The following FBXW7 variants were observed in gnomAD, a reference collection of about 807,000 sequenced individuals.
The protein encoded by FBXW7 is F-box and WD repeat domain containing 7, also known as F-box/WD repeat-containing protein 7.
Under a neutral mutation model 86.3 loss-of-function variants are expected in FBXW7, and 11 were observed. The observed-to-expected ratio is 0.13, with a 90% confidence interval of 0.08 to 0.21. The LOEUF (loss-of-function observed/expected upper bound fraction) is 0.21, where lower values mean the gene tolerates loss of function less well. FBXW7 is among the 10% of genes least tolerant of loss of function. The pLI is 1.00. For missense variants in FBXW7, 488 were observed against 847.4 expected (o/e 0.58, Z 5.27); for synonymous variants, 313 against 297.9 (o/e 1.05, Z -0.52).
At chr4:152,425,105 C>T (rs1739266050) in intron 2 of FBXW7, among the ~76,000 whole-genome samples, 1 of 152,208 alleles carries the variant, frequency 6.6e-6, no homozygotes, top group African/African-American at 2.4e-5. Context: ...TCTTGTCTAC[C>T]TGATTTGTTT....
Position 152,330,495 on chromosome 4 carries a change from C to T in FBXW7, c.1122+237G>A, listed in dbSNP as rs116221489. ...TAGGATATTGAGAGATTTTCATTTA[C>T]GTAAGATAAAAAGATACTCAATTTA... On this transcript the variant is annotated intron_variant, in intron 9 of 13. Coordinates refer to ENST00000281708, the MANE Select transcript of FBXW7 (RefSeq NM_001349798.2). Among the ~76,000 whole-genome samples, 890 of 151,896 alleles carry T rather than the reference C, an allele frequency of 5.9e-3. 7 individuals are homozygous for T. The highest frequency in any genetic ancestry group is 0.02 in the African/African-American group (838 of 41,482).
intron 4 of FBXW7, among the ~76,000 whole-genome samples, chr4:152,367,173 G>A (rs2126721154): frequency 6.6e-6 from 1 of 152,166 alleles, no homozygotes; most frequent in South Asian, 2.1e-4. Flanking sequence ...AATATCTAAT[G>A]TAAATGACAA....
At chr4:152,351,392 T>C (rs1354153399) in intron 4 of FBXW7, among the ~76,000 whole-genome samples, 1 of 152,146 alleles carries the variant, frequency 6.6e-6, no homozygotes, top group African/African-American at 2.4e-5. Flanking sequence ...CCTTAGTTCA[T>C]GCCATACCTA....
chr4:152,492,908 A>G (rs1020046220), intron 2 of FBXW7, among the ~76,000 whole-genome samples: 1 of 152,030 alleles, frequency 6.6e-6, no homozygotes, highest in Admixed American at 6.5e-5. Context: ...GCATTATTAA[A>G]TAGGTCTGAA....
At chr4:152,420,768 T>C (rs537171774) in intron 2 of FBXW7, among the ~76,000 whole-genome samples, 16 of 152,242 alleles carry the variant, frequency 1.1e-4, no homozygotes, top group African/African-American at 3.4e-4. Context: ...AAGAGTGGGC[T>C]TAACATATCT....
chr4:152,333,517 T>A (rs555846604), intron 7 of FBXW7, among the ~76,000 whole-genome samples: 40 of 152,174 alleles, frequency 2.6e-4, no homozygotes, highest in African/African-American at 9.6e-4. Context: ...AGCCTCTGAC[T>A]GATTATTCAA....
intron 2 of FBXW7, among the ~76,000 whole-genome samples, chr4:152,477,479 T>C (rs909921555): frequency 3.3e-5 from 5 of 152,086 alleles, no homozygotes; most frequent in Admixed American, 3.3e-4. Context: ...AATTGCAGCA[T>C]CATCTAAAGA....
chr4:152,416,939 A>G (rs1017995066), intron 2 of FBXW7, among the ~76,000 whole-genome samples: 1 of 152,174 alleles, frequency 6.6e-6, no homozygotes, highest in African/African-American at 2.4e-5. Context: ...TAAATCTCAA[A>G]GACTCTTTTG....
At chr4:152,323,333 G>A (rs548211905) in intron 13 of FBXW7, 184 bp from the exon 14 acceptor site, 1 of 698,470 alleles carries the variant, frequency 1.4e-6, no homozygotes, top group Non-Finnish European at 2.3e-6. Context: ...ATCTGGTAGT[G>A]ATTTGTAACT....
intron 2 of FBXW7, among the ~76,000 whole-genome samples, chr4:152,523,753 G>A (rs1749240542): frequency 6.6e-6 from 1 of 152,204 alleles, no homozygotes; most frequent in Non-Finnish European, 1.5e-5. Context: ...GACTGCTAGG[G>A]TTGGTTAATG....
At chr4:152,497,808 C>T (rs927753000) in intron 2 of FBXW7, among the ~76,000 whole-genome samples, 3 of 152,128 alleles carry the variant, frequency 2.0e-5, no homozygotes, top group East Asian at 1.9e-4. Context: ...TACCTATGTA[C>T]GAGCATTACA....
At chr4:152,373,501 G>A (rs1002319270) in intron 4 of FBXW7, among the ~76,000 whole-genome samples, 3 of 151,856 alleles carry the variant, frequency 2.0e-5, no homozygotes, top group Non-Finnish European at 2.9e-5. Context: ...TGCTCAATAC[G>A]TATTTTTTCA....
chr4:152,399,532 C>CT (rs977304829), intron 4 of FBXW7, among the ~76,000 whole-genome samples: 2 of 152,016 alleles, frequency 1.3e-5, no homozygotes, highest in African/African-American at 4.8e-5. Flanking sequence ...ATAACACTGT[C>CT]TTTTTTGGCA....
intron 2 of FBXW7, among the ~76,000 whole-genome samples, chr4:152,487,528 G>A (rs1745456450): frequency 6.6e-6 from 1 of 151,972 alleles, no homozygotes; most frequent in Non-Finnish European, 1.5e-5. Flanking sequence ...AATCAGTACT[G>A]TTTATCTTTT....
intron 2 of FBXW7, among the ~76,000 whole-genome samples, chr4:152,491,102 C>T (rs950053406): frequency 3.6e-4 from 54 of 152,092 alleles, no homozygotes; most frequent in African/African-American, 1.2e-3. Context: ...CAGGACTTTC[C>T]GGATATAGTT....
At chr4:152,398,787 A>G (rs1310478520) in intron 4 of FBXW7, among the ~76,000 whole-genome samples, 5 of 152,106 alleles carry the variant, frequency 3.3e-5, no homozygotes, top group African/African-American at 1.2e-4. Context: ...AAGAGAGGCC[A>G]AAGATAGAAT....
intron 4 of FBXW7, among the ~76,000 whole-genome samples, chr4:152,383,147 C>A (rs549589029): frequency 1.3e-5 from 2 of 152,238 alleles, no homozygotes; most frequent in South Asian, 4.1e-4. Flanking sequence ...AGTCACCCAA[C>A]TGATTAAAGA....
At chr4:152,502,544 ACT>A (rs1281235570) in intron 2 of FBXW7, among the ~76,000 whole-genome samples, 1 of 152,088 alleles carries the variant, frequency 6.6e-6, no homozygotes, top group East Asian at 1.9e-4. Flanking sequence ...CAATCGCAAT[ACT>A]TTTTATTTTT....
Position 152,322,324 on chromosome 4 carries a change from C to CAA in FBXW7, c.*555_*556dup, listed in dbSNP as rs3841114. The CAA allele has an allele frequency of 6.6e-4, 110 of 165,772 alleles. No individual in the cohort carries two copies. Among genetic ancestry groups the CAA allele is most frequent in the Admixed American group, 9.5e-4 (12 of 12,650 alleles). 10.3% of individuals were successfully genotyped at this position (165,772 alleles called of 1,614,324 possible). Reference sequence around the variant, plus strand: ...ATTGATTGACATTGGCAATGGTTGGCAAAAAAAAAAAAAAAAAAGCTTTTC... The same window carrying CAA: ...ATTGATTGACATTGGCAATGGTTGGCAAAAAAAAAAAAAAAAAAAAGCTTTTC... On this transcript the variant is annotated 3_prime_UTR_variant, in exon 14 of 14. Coordinates refer to ENST00000281708, the MANE Select transcript of FBXW7 (RefSeq NM_001349798.2).
Sources: gnomAD v4.1 joint callset for allele counts (sites outside exome capture counted in the v4.1 genomes callset) on GRCh38, gnomAD v4.1.1 for gene constraint, MANE v1.5 for transcripts, NCBI Gene and HGNC (gene_info 2026-07-23, HGNC 2026-07-21) for gene names.